SBSPON: variants seen among roughly 807,000 people sequenced by gnomAD.
SBSPON encodes somatomedin B and thrombospondin type 1 domain containing.
A neutral mutation model predicts 35.8 loss-of-function variants in SBSPON; 30 were observed. The observed-to-expected ratio is 0.84, with a 90% CI of 0.63 to 1.14. SBSPON has a LOEUF of 1.14. Among genes scored for constraint, SBSPON ranks in the 50% most tolerant of loss-of-function variants. SBSPON has a pLI of 0.00. For missense variants in SBSPON, 364 were observed against 357.7 expected (o/e 1.02, Z -0.14); for synonymous variants, 136 against 135.9 (o/e 1.00, Z 0.00).
intron 1 of SBSPON, among the ~76,000 whole-genome samples, chr8:73,087,718 C>T (rs1810859903): frequency 6.6e-6 from 1 of 152,180 alleles, no homozygotes; most frequent in Non-Finnish European, 1.5e-5. Context: ...CTAGACTCTC[C>T]ATAAATCTAG....
At chr8:73,071,965 T>G (rs1810501720) in intron 2 of SBSPON, 95 bp from the exon 3 acceptor site, 3 of 742,124 alleles carry the variant, frequency 4.0e-6, no homozygotes, top group Non-Finnish European at 7.3e-6. Flanking sequence ...GGGTCTCCAT[T>G]CCTAAACTCA....
chr8:73,077,945 C>T (rs546567889), intron 2 of SBSPON, among the ~76,000 whole-genome samples: 1 of 152,206 alleles, frequency 6.6e-6, no homozygotes, highest in South Asian at 2.1e-4. Context: ...TCTGATTTAC[C>T]CCATATTTTC....
chr8:73,086,277 C>T (rs952682273), intron 1 of SBSPON, among the ~76,000 whole-genome samples: 2 of 151,998 alleles, frequency 1.3e-5, no homozygotes, highest in African/African-American at 4.8e-5. Context: ...TCTCATGCTT[C>T]AGCCTCCCGA....
At position 73,093,047 on chromosome 8, in the gene SBSPON, C is replaced by A. The variant is rs768554620; in HGVS notation, c.21G>T (p.Ala7=). 1.2e-4 allele frequency: 166 copies of A among 1,373,980 alleles called. No individual in the cohort carries two copies. In the African/African-American group the frequency reaches 2.4e-3, roughly 20 times the overall value. 85.1% of individuals were successfully genotyped at this position (1,373,980 alleles called of 1,614,324 possible). A position where few individuals can be genotyped will look rare whatever the true frequency, so the allele number is the denominator to read the frequency against. The change falls in exon 1 of 5, where the codon GCG becomes GCT. Residue 7 remains alanine, a synonymous_variant. Coordinates refer to ENST00000297354, the MANE Select transcript of SBSPON (RefSeq NM_153225.4). The part of the protein sequence containing the change: MRTLWM[A]LCALSRLWPG... ...GCCACAGCCGCGACAGCGCGCACAG[C>A]GCCATCCACAGGGTCCTCATGGCCA...
chr8:73,084,564 T>G (rs1429224382), intron 1 of SBSPON, among the ~76,000 whole-genome samples: 1 of 152,108 alleles, frequency 6.6e-6, no homozygotes, highest in Non-Finnish European at 1.5e-5. Flanking sequence ...CTTTACCCCT[T>G]GAACACACCA....
rs556941745 is a variant in SBSPON at position 73,071,830 on chromosome 8, T to C, written c.450A>G (p.Arg150=). 25 of 1,611,488 alleles carry C rather than the reference T, an allele frequency of 1.6e-5. No homozygotes were observed. The highest frequency in any genetic ancestry group is 8.3e-5 in the Admixed American group (5 of 59,946). ...FITTSAFNKE[R]TRQATSPHWS... is the part of the protein sequence containing the mutation. ...AGTGTGGAGACGTAGCTTGTCGTGT[T>C]CTCTCCTTGTTGAATGCAGAGGTAG... Residue 150 remains arginine (R), a synonymous_variant, in exon 3 of 5, where the codon AGA becomes AGG. Transcript: ENST00000297354.
At chr8:73,073,011 A>T (rs1444050794) in intron 2 of SBSPON, among the ~76,000 whole-genome samples, 1 of 152,122 alleles carries the variant, frequency 6.6e-6, no homozygotes, top group Non-Finnish European at 1.5e-5. Flanking sequence ...AAGTCTAGGG[A>T]GGCATTTGTT....
intron 1 of SBSPON, among the ~76,000 whole-genome samples, chr8:73,092,611 C>T (rs1200268646): frequency 6.6e-6 from 1 of 152,154 alleles, no homozygotes; most frequent in African/African-American, 2.4e-5. Flanking sequence ...GGGATCCAGC[C>T]CTTCCATCCG....
intron 4 of SBSPON, 133 bp from the exon 5 acceptor site, chr8:73,067,591 A>ATG (rs1810414462): frequency 3.6e-5 from 1 of 27,600 alleles, no homozygotes; most frequent in Middle Eastern, 9.1e-3. Flanking sequence ...CGTCTCTACT[A>ATG]TATATATATA....
rs748941536 is a variant in SBSPON at position 73,069,763 on chromosome 8, A to G, written c.677+42T>C. 10 of 1,528,430 alleles carry G rather than the reference A, an allele frequency of 6.5e-6. No individual in the cohort carries two copies. In the South Asian group the frequency reaches 1.1e-4, roughly 17 times the overall value. 94.7% of individuals were successfully genotyped at this position (1,528,430 alleles called of 1,614,324 possible). A position where few individuals can be genotyped will look rare whatever the true frequency, so the allele number is the denominator to read the frequency against. On this transcript the variant is annotated intron_variant, in intron 4 of 4. Coordinates refer to ENST00000297354, the MANE Select transcript of SBSPON (RefSeq NM_153225.4). Reference sequence around the variant, plus strand: ...ACATGGAGAGGACAGATTTCTCAGAATGAGTGACAAGAAAAGTACTTCAGT... The same window carrying G: ...ACATGGAGAGGACAGATTTCTCAGAGTGAGTGACAAGAAAAGTACTTCAGT...
intron 2 of SBSPON, among the ~76,000 whole-genome samples, chr8:73,075,331 C>A (rs1003507423): frequency 2.6e-5 from 4 of 152,230 alleles, no homozygotes; most frequent in Non-Finnish European, 5.9e-5. Flanking sequence ...AGCCAGACTG[C>A]CTGGAGGTCC....
chr8:73,080,341 C>T (rs940818940), intron 2 of SBSPON, among the ~76,000 whole-genome samples: 58 of 152,148 alleles, frequency 3.8e-4, no homozygotes, highest in Non-Finnish European at 4.6e-4. Flanking sequence ...AGTGAAACCC[C>T]GTCTCTACTA....
At chr8:73,073,065 G>A (rs73314488) in intron 2 of SBSPON, among the ~76,000 whole-genome samples, 2,404 of 152,320 alleles carry the variant, frequency 0.016, 59 homozygotes, top group African/African-American at 0.055. Flanking sequence ...GACTGACTCT[G>A]TTGTCATCTT....
chr8:73,074,120 G>T (rs1402381585), intron 2 of SBSPON, among the ~76,000 whole-genome samples: 3 of 152,140 alleles, frequency 2.0e-5, no homozygotes, highest in Non-Finnish European at 4.4e-5. Flanking sequence ...ACTAAGTGAA[G>T]AATCAATTTA....
At position 73,067,019 on chromosome 8, in the gene SBSPON, TGA is replaced by T. The variant is rs1324541817; in HGVS notation, c.*320_*321del. Reference sequence around the variant, plus strand: ...ACACTTCCGTCACCAATAATCGGACTGAGTTACAGTAATTTTACTTTAGCAAA... The same window carrying T: ...ACACTTCCGTCACCAATAATCGGACTGTTACAGTAATTTTACTTTAGCAAA... On this transcript the variant is annotated 3_prime_UTR_variant, in exon 5 of 5. Transcript: ENST00000297354. 4 of 204,016 alleles carry T rather than the reference TGA, an allele frequency of 2.0e-5. No homozygotes were observed. Among genetic ancestry groups the T allele is most frequent in the African/African-American group, 9.2e-5 (4 of 43,444 alleles). 12.6% of individuals were successfully genotyped at this position (204,016 alleles called of 1,614,324 possible).
At chr8:73,080,523 T>G (rs1223138437) in intron 2 of SBSPON, among the ~76,000 whole-genome samples, 1 of 151,966 alleles carries the variant, frequency 6.6e-6, no homozygotes, top group Non-Finnish European at 1.5e-5. Context: ...TCAAAAATAA[T>G]AATAATAATA....
chr8:73,072,333 G>A (rs556147320), intron 2 of SBSPON, among the ~76,000 whole-genome samples: 20 of 152,112 alleles, frequency 1.3e-4, no homozygotes, highest in South Asian at 8.3e-4. Context: ...GAGTAAAAGC[G>A]GATGGAAGGA....
At chr8:73,072,319 AAG>A (rs1236125276) in intron 2 of SBSPON, among the ~76,000 whole-genome samples, 6 of 152,190 alleles carry the variant, frequency 3.9e-5, no homozygotes, top group South Asian at 4.1e-4. Context: ...GAGAAGACAA[AAG>A]AGAGTAAAAG....
chr8:73,073,763 C>A (rs529953394), intron 2 of SBSPON, among the ~76,000 whole-genome samples: 1 of 150,812 alleles, frequency 6.6e-6, no homozygotes, highest in South Asian at 2.1e-4. Flanking sequence ...GAGATCACAC[C>A]ACTGCACTGC....
Sources: allele counts gnomAD v4.1 joint callset (sites outside exome capture counted in the v4.1 genomes callset), GRCh38; gene constraint gnomAD v4.1.1; transcripts MANE v1.5; gene names NCBI Gene and HGNC (gene_info 2026-07-23, HGNC 2026-07-21).